The following PLCB1 variants were observed in gnomAD, a reference collection of about 807,000 sequenced individuals.
PLCB1 encodes the protein 1-phosphatidylinositol 4,5-bisphosphate phosphodiesterase beta-1.
A neutral mutation model predicts 161.8 loss-of-function variants in PLCB1; 46 were observed. That is an observed-to-expected ratio of 0.28 (90% CI 0.22 to 0.36). PLCB1 has a LOEUF of 0.36. Ranked by LOEUF, PLCB1 falls within the 10% of genes least tolerant of loss-of-function variation. The pLI, the probability that PLCB1 is intolerant of heterozygous loss-of-function variation, is 1.00. For missense variants in PLCB1, 1,016 were observed against 1,472.5 expected, an observed-to-expected ratio of 0.69 and a Z score of 5.07; for synonymous variants, 517 against 503.7, an observed-to-expected ratio of 1.03 and a Z score of -0.35.
chr20:8,287,272 TGTA>T (rs558401411), intron 2 of PLCB1, among the ~76,000 whole-genome samples: 240 of 152,266 alleles, frequency 1.6e-3, no homozygotes, highest in African/African-American at 4.9e-3. Context: ...TATATGATGT[TGTA>T]GTAGCCTGTG....
intron 3 of PLCB1, among the ~76,000 whole-genome samples, chr20:8,403,768 G>A (rs1397127866): frequency 6.6e-6 from 1 of 152,106 alleles, no homozygotes; most frequent in Non-Finnish European, 1.5e-5. Flanking sequence ...CATTCCTCAG[G>A]GGAAAATCTA....
intron 3 of PLCB1, among the ~76,000 whole-genome samples, chr20:8,499,346 G>A (rs1249202842): frequency 2.6e-5 from 4 of 152,110 alleles, no homozygotes; most frequent in Admixed American, 2.6e-4. Flanking sequence ...ATATTCACCT[G>A]ACGTGTTGAA....
chr20:8,629,661 C>T (rs1168984896), intron 4 of PLCB1, among the ~76,000 whole-genome samples: 1 of 152,168 alleles, frequency 6.6e-6, no homozygotes, highest in African/African-American at 2.4e-5. Context: ...TCATGTCATG[C>T]ATCACAACTA....
intron 31 of PLCB1, among the ~76,000 whole-genome samples, chr20:8,799,078 T>C (rs891498149): frequency 2.6e-5 from 4 of 152,188 alleles, no homozygotes; most frequent in Non-Finnish European, 4.4e-5. Flanking sequence ...TAAACAAAAA[T>C]TAAAACTTAG....
chr20:8,472,102 C>T (rs1317522620), intron 3 of PLCB1, among the ~76,000 whole-genome samples: 1 of 152,048 alleles, frequency 6.6e-6, no homozygotes, highest in Non-Finnish European at 1.5e-5. Context: ...TGATTTCTCC[C>T]CTAAGGTACT....
rs748429343 is a variant in PLCB1 at position 8,884,449 on chromosome 20, T to C, written c.*2600T>C. 3 of 152,628 alleles carry C rather than the reference T, an allele frequency of 2.0e-5. No individual in the cohort carries two copies. Among genetic ancestry groups the C allele is most frequent in the Non-Finnish European group, 4.4e-5 (3 of 68,024 alleles). 9.5% of individuals were successfully genotyped at this position (152,628 alleles called of 1,614,324 possible). On this transcript the variant is annotated 3_prime_UTR_variant, in exon 32 of 32. Coordinates refer to ENST00000338037, the MANE Select transcript of PLCB1 (RefSeq NM_015192.4). ...TACCTTTACACTACTGAGAATAGCA[T>C]GGTTTTGGCCATGTAAACCAATTTT... is the stretch of plus-strand genomic sequence containing the variant.
Position 8,300,847 on chromosome 20 carries a change from G to A in PLCB1, c.178-70535G>A, listed in dbSNP as rs1336174733. Among the ~76,000 whole-genome samples the A allele has an allele frequency of 1.1e-4, 16 of 152,168 alleles. 1 individual carries two copies. The highest frequency in any genetic ancestry group is 2.9e-5 in the Non-Finnish European group (2 of 68,030). ...TTGGCAGTGGAATTCTCAAGGTGCA[G>A]ATGATATATCCTCACTATAGCCCCA... On this transcript the variant is annotated intron_variant, in intron 2 of 31. Coordinates refer to ENST00000338037, the MANE Select transcript of PLCB1 (RefSeq NM_015192.4).
chr20:8,418,098 GT>G (rs1212976818), intron 3 of PLCB1, among the ~76,000 whole-genome samples: 1 of 152,216 alleles, frequency 6.6e-6, no homozygotes, highest in African/African-American at 2.4e-5. Flanking sequence ...GTGGGAAGTA[GT>G]AAAAGTCAGA....
intron 9 of PLCB1, among the ~76,000 whole-genome samples, chr20:8,663,412 G>A (rs1321112444): frequency 6.6e-6 from 1 of 151,922 alleles, no homozygotes; most frequent in Non-Finnish European, 1.5e-5. Flanking sequence ...AATTTTTAGT[G>A]TCACCAAAAG....
At chr20:8,611,974 TA>T (rs1198681574) in intron 3 of PLCB1, among the ~76,000 whole-genome samples, 2 of 152,104 alleles carry the variant, frequency 1.3e-5, no homozygotes, top group African/African-American at 4.8e-5. Flanking sequence ...AAACTAGAGA[TA>T]TATTCACCTC....
At chr20:8,725,409 A>G (rs902772441) in intron 16 of PLCB1, among the ~76,000 whole-genome samples, 3 of 152,100 alleles carry the variant, frequency 2.0e-5, no homozygotes, top group Non-Finnish European at 4.4e-5. Context: ...AATCCTTGAA[A>G]CTTACTAGCC....
intron 2 of PLCB1, among the ~76,000 whole-genome samples, chr20:8,242,521 T>G (rs1254357705): frequency 6.6e-6 from 1 of 151,832 alleles, no homozygotes; most frequent in Non-Finnish European, 1.5e-5. Context: ...ATCCTCTAAT[T>G]GAGAGGGGAA....
chr20:8,685,985 G>A (rs1402027703), intron 10 of PLCB1, among the ~76,000 whole-genome samples: 1 of 151,936 alleles, frequency 6.6e-6, no homozygotes, highest in Non-Finnish European at 1.5e-5. Context: ...GAATTAAAGA[G>A]GAAATAAATT....
At chr20:8,431,969 T>C (rs1176684312) in intron 3 of PLCB1, among the ~76,000 whole-genome samples, 2 of 152,080 alleles carry the variant, frequency 1.3e-5, no homozygotes, top group Non-Finnish European at 2.9e-5. Context: ...ACATTCCTTC[T>C]TTTGGCTTGT....
intron 4 of PLCB1, among the ~76,000 whole-genome samples, chr20:8,642,903 A>G (rs980187586): frequency 6.6e-6 from 1 of 152,258 alleles, no homozygotes; most frequent in Admixed American, 6.5e-5. Flanking sequence ...AAATGTCTAA[A>G]GCTTGGCCAT....
At chr20:8,303,855 T>C (rs1984012066) in intron 2 of PLCB1, among the ~76,000 whole-genome samples, 1 of 152,204 alleles carries the variant, frequency 6.6e-6, no homozygotes, top group Admixed American at 6.5e-5. Context: ...CAGTAGGGTC[T>C]AGGATTCAAA....
intron 3 of PLCB1, among the ~76,000 whole-genome samples, chr20:8,573,990 A>G (rs536734962): frequency 7.2e-5 from 11 of 152,222 alleles, no homozygotes; most frequent in Non-Finnish European, 1.2e-4. Flanking sequence ...TTTCTTTATG[A>G]CTTTGTTTTT....
At chr20:8,262,689 C>T (rs1017871518) in intron 2 of PLCB1, among the ~76,000 whole-genome samples, 5 of 152,114 alleles carry the variant, frequency 3.3e-5, no homozygotes, top group South Asian at 2.1e-4. Flanking sequence ...ATATCATAGA[C>T]GGAGTGGCTT....
At chr20:8,635,953 A>C (rs1301106860) in intron 4 of PLCB1, among the ~76,000 whole-genome samples, 1 of 152,230 alleles carries the variant, frequency 6.6e-6, no homozygotes, top group Non-Finnish European at 1.5e-5. Flanking sequence ...GCATTGAGGT[A>C]AGAATTTTGA....
Sources: allele counts gnomAD v4.1 joint callset (sites outside exome capture counted in the v4.1 genomes callset), GRCh38; gene constraint gnomAD v4.1.1; transcripts MANE v1.5; gene names NCBI Gene and HGNC (gene_info 2026-07-23, HGNC 2026-07-21).